The following PCTP variants were observed in gnomAD, a reference collection of about 807,000 sequenced individuals.
PCTP encodes phosphatidylcholine transfer protein.
Under a neutral mutation model 31.0 loss-of-function variants are expected in PCTP, and 27 were observed. The ratio of observed to expected loss-of-function variants is 0.87; its 90% CI spans 0.64 to 1.20. The LOEUF is 1.20. Ranked by LOEUF, PCTP falls within the 50% of genes most tolerant of loss-of-function variation. The pLI is 0.00. For synonymous variants in PCTP, 108 were observed against 101.2 expected (o/e 1.07, Z -0.40); for missense variants, 287 against 268.2 (o/e 1.07, Z -0.49).
At chr17:55,759,998 GT>G (rs202160150) in intron 1 of PCTP, among the ~76,000 whole-genome samples, 3 of 152,000 alleles carry the variant, frequency 2.0e-5, no homozygotes, top group African/African-American at 7.2e-5. Flanking sequence ...TTGCACAGAT[GT>G]TTTTTTTCAC....
At chr17:55,841,429 T>C (rs922035640) in intron 5 of PCTP, among the ~76,000 whole-genome samples, 4 of 152,218 alleles carry the variant, frequency 2.6e-5, no homozygotes, top group South Asian at 2.1e-4. Flanking sequence ...AATATTTGAA[T>C]TGAAGTCTTA....
chr17:55,812,365 T>C (rs1912779368), intron 3 of PCTP, among the ~76,000 whole-genome samples: 1 of 152,190 alleles, frequency 6.6e-6, no homozygotes, highest in Non-Finnish European at 1.5e-5. Flanking sequence ...ATTTCCCCCA[T>C]GGTACAAAGA....
chr17:55,827,593 G>A (rs917581115), downstream of PCTP, among the ~76,000 whole-genome samples: 1 of 152,184 alleles, frequency 6.6e-6, no homozygotes, highest in Admixed American at 6.5e-5. Flanking sequence ...GACTTACTAA[G>A]AGGCTAGCAG....
chr17:55,786,763 C>G (rs1911761721), intron 2 of PCTP, among the ~76,000 whole-genome samples: 1 of 152,130 alleles, frequency 6.6e-6, no homozygotes, highest in Non-Finnish European at 1.5e-5. Flanking sequence ...GTTAAGATTG[C>G]AAGTTTAACT....
intron 5 of PCTP, among the ~76,000 whole-genome samples, chr17:55,833,979 A>G (rs999085562): frequency 1.3e-5 from 2 of 152,170 alleles, no homozygotes; most frequent in African/African-American, 4.8e-5. Context: ...TAACATATTT[A>G]TAACTTATTT....
At chr17:55,796,982 A>G (rs955043358) in intron 3 of PCTP, among the ~76,000 whole-genome samples, 1 of 151,990 alleles carries the variant, frequency 6.6e-6, no homozygotes, top group Admixed American at 6.6e-5. Context: ...TCATAGTTCA[A>G]GGATAATATT....
At chr17:55,806,079 T>C (rs1278881372) in intron 3 of PCTP, among the ~76,000 whole-genome samples, 3 of 152,150 alleles carry the variant, frequency 2.0e-5, no homozygotes, top group African/African-American at 7.2e-5. Context: ...AGTGCTTAAG[T>C]TATTTTCCAA....
chr17:55,840,918 G>A (rs1476244923), intron 5 of PCTP, among the ~76,000 whole-genome samples: 1 of 152,156 alleles, frequency 6.6e-6, no homozygotes, highest in African/African-American at 2.4e-5. Context: ...ATCCAAAAAA[G>A]TCTGAAATCC....
downstream of PCTP, among the ~76,000 whole-genome samples, chr17:55,845,997 T>C (rs539663062): frequency 6.6e-6 from 1 of 151,788 alleles, no homozygotes; most frequent in African/African-American, 2.4e-5. Context: ...CATGGATTCA[T>C]GCATATTCAT....
At chr17:55,791,289 G>A (rs1465062400) in intron 3 of PCTP, among the ~76,000 whole-genome samples, 4,099 of 151,428 alleles carry the variant, frequency 0.027, 182 homozygotes, top group African/African-American at 0.094. Flanking sequence ...GGCAACAAAA[G>A]CCAAAATTGA....
At chr17:55,773,293 A>G (rs1019591298) in intron 3 of PCTP, among the ~76,000 whole-genome samples, 14 of 152,166 alleles carry the variant, frequency 9.2e-5, no homozygotes, top group Non-Finnish European at 1.8e-4. Flanking sequence ...TACTCTGCCC[A>G]GGTCTTTCTC....
At chr17:55,789,007 G>A (rs1394447246) in intron 3 of PCTP, among the ~76,000 whole-genome samples, 1 of 152,104 alleles carries the variant, frequency 6.6e-6, no homozygotes, top group Admixed American at 6.6e-5. Context: ...GCACCTACTG[G>A]CTTCCTGCCT....
intron 2 of PCTP, among the ~76,000 whole-genome samples, chr17:55,783,233 G>A (rs969493457): frequency 2.6e-5 from 4 of 151,872 alleles, no homozygotes; most frequent in East Asian, 1.9e-4. Flanking sequence ...ATTTAACACC[G>A]TTGGAGAGCT....
chr17:55,776,428 G>A lies in PCTP; in HGVS notation c.*328G>A. 2.4e-6 allele frequency: 3 copies of A among 1,240,530 alleles called. No homozygotes were observed. Among genetic ancestry groups the A allele is most frequent in the South Asian group, 3.9e-5 (1 of 25,604 alleles). 76.8% of individuals were successfully genotyped at this position (1,240,530 alleles called of 1,614,324 possible). A position where few individuals can be genotyped will look rare whatever the true frequency, so the allele number is the denominator to read the frequency against. On this transcript the variant is annotated 3_prime_UTR_variant, in exon 6 of 6. Transcript: ENST00000268896. Reference sequence around the variant, plus strand: ...TTACTATTAGGAGGGGAAGTCTTCAGTAGGGAACACGATCATTCCATTGTG... The same window carrying A: ...TTACTATTAGGAGGGGAAGTCTTCAATAGGGAACACGATCATTCCATTGTG...
intron 3 of PCTP, among the ~76,000 whole-genome samples, chr17:55,798,890 G>A (rs926275964): frequency 1.3e-5 from 2 of 151,922 alleles, no homozygotes; most frequent in Non-Finnish European, 2.9e-5. Context: ...TACAATATCT[G>A]TGTCATTAAA....
At chr17:55,846,254 A>G (rs76606852), downstream of PCTP, among the ~76,000 whole-genome samples, 2,525 of 152,176 alleles carry the variant, frequency 0.017, 62 homozygotes, top group African/African-American at 0.056. Context: ...ATCCTGCTCA[A>G]TTCACCCATC....
chr17:55,754,469 C>T (rs1015712402), intron 1 of PCTP, among the ~76,000 whole-genome samples: 2 of 152,176 alleles, frequency 1.3e-5, no homozygotes, highest in Admixed American at 1.3e-4. Context: ...GGATGCATCA[C>T]CCTCCAGGAA....
At chr17:55,780,536 A>G (rs1281391016), downstream of PCTP, among the ~76,000 whole-genome samples, 1 of 152,172 alleles carries the variant, frequency 6.6e-6, no homozygotes, top group Non-Finnish European at 1.5e-5. Context: ...CACATATTCC[A>G]TGTCCTCTGC....
chr17:55,767,503 AGCCCAG>A, intron 2 of PCTP, 51 bp downstream of exon 2: 2 of 1,293,650 alleles, frequency 1.5e-6, no homozygotes, highest in Non-Finnish European at 1.1e-6. Flanking sequence ...TCACTTTTGT[AGCCCAG>A]GGTGAAGTGC....
Sources: allele counts gnomAD v4.1 joint callset (sites outside exome capture counted in the v4.1 genomes callset), GRCh38; gene constraint gnomAD v4.1.1; transcripts MANE v1.5; gene names NCBI Gene and HGNC (gene_info 2026-07-23, HGNC 2026-07-21).